Variants in CDH20 observed in about 807,000 individuals in gnomAD.
The protein encoded by CDH20 is cadherin-20.
CDH20 carries 29 observed loss-of-function variants against 74.2 expected under a neutral mutation model. The ratio of observed to expected loss-of-function variants is 0.39; its 90% CI spans 0.29 to 0.53. The LOEUF (loss-of-function observed/expected upper bound fraction) is 0.53, where lower values mean the gene tolerates loss of function less well. Among genes scored for constraint, CDH20 ranks in the 20% least tolerant of loss-of-function variants. The probability of loss-of-function intolerance (pLI) is 0.69; values close to 1 mark genes in which losing one functional copy is unlikely to be tolerated. For synonymous variants in CDH20, 469 were observed against 405.4 expected, an observed-to-expected ratio of 1.16 and a Z score of -1.88; for missense variants, 988 against 1,048.3, an observed-to-expected ratio of 0.94 and a Z score of 0.79.
At chr18:61,542,097 T>C (rs760802182) in intron 9 of CDH20, among the ~76,000 whole-genome samples, 1 of 152,224 alleles carries the variant, frequency 6.6e-6, no homozygotes. Flanking sequence ...TTCCCAACTA[T>C]GTTTATCAAA....
At chr18:61,544,939 C>G in intron 9 of CDH20, 88 bp from the exon 10 acceptor site, 1 of 827,174 alleles carries the variant, frequency 1.2e-6, no homozygotes, top group Non-Finnish European at 2.1e-6. Context: ...AAACATCCCA[C>G]CATCGCGTTT....
At chr18:61,439,494 T>G (rs1159626704) in intron 1 of CDH20, among the ~76,000 whole-genome samples, 1 of 152,126 alleles carries the variant, frequency 6.6e-6, no homozygotes. Context: ...CAATATACCA[T>G]AAATAATAGG....
chr18:61,385,988 TA>T (rs77931929), intron 1 of CDH20, among the ~76,000 whole-genome samples: 34 of 150,634 alleles, frequency 2.3e-4, no homozygotes, highest in African/African-American at 6.8e-4. Flanking sequence ...GATTAACATG[TA>T]AAAAAAAATT....
At chr18:61,473,807 G>T (rs9959118) in intron 1 of CDH20, among the ~76,000 whole-genome samples, 3 of 151,962 alleles carry the variant, frequency 2.0e-5, no homozygotes, top group South Asian at 2.1e-4. Context: ...AGTGCTACCT[G>T]GGATCAATCA....
intron 1 of CDH20, among the ~76,000 whole-genome samples, chr18:61,484,643 A>G (rs1455840579): frequency 2.6e-5 from 4 of 152,124 alleles, no homozygotes; most frequent in African/African-American, 9.7e-5. Context: ...CAGGTAACAT[A>G]TGGCAAGTTT....
At chr18:61,367,151 C>T (rs1439948586) in intron 1 of CDH20, among the ~76,000 whole-genome samples, 1 of 152,086 alleles carries the variant, frequency 6.6e-6, no homozygotes, top group Non-Finnish European at 1.5e-5. Context: ...AAGGGAACAT[C>T]CTAAAAGAGT....
intron 1 of CDH20, among the ~76,000 whole-genome samples, chr18:61,457,830 C>T (rs1012519300): frequency 2.0e-4 from 30 of 152,132 alleles, no homozygotes; most frequent in African/African-American, 6.0e-4. Flanking sequence ...TACCCCACCC[C>T]GTTTTCCATC....
chr18:61,464,496 T>G (rs1436766528), intron 1 of CDH20, among the ~76,000 whole-genome samples: 3 of 152,154 alleles, frequency 2.0e-5, no homozygotes, highest in African/African-American at 4.8e-5. Context: ...CACATGTCAC[T>G]GCTAGCAAAG....
At chr18:61,538,941 G>A (rs1158558852) in intron 8 of CDH20, 83 bp from the exon 9 acceptor site, 39 of 1,523,548 alleles carry the variant, frequency 2.6e-5, no homozygotes, top group Admixed American at 7.5e-5. Context: ...CGTAAATACC[G>A]ACTTCTAGCA....
intron 7 of CDH20, among the ~76,000 whole-genome samples, chr18:61,532,208 T>C (rs1160695882): frequency 1.3e-5 from 2 of 152,142 alleles, no homozygotes; most frequent in African/African-American, 2.4e-5. Flanking sequence ...TAATTGTGCC[T>C]ACCTCATGGT....
chr18:61,429,322 G>A (rs1459732155), intron 1 of CDH20, among the ~76,000 whole-genome samples: 1 of 152,070 alleles, frequency 6.6e-6, no homozygotes, highest in Admixed American at 6.6e-5. Context: ...GACTACATTT[G>A]GGAATTTTGC....
At chr18:61,339,623 G>A (rs1370445575) in intron 1 of CDH20, among the ~76,000 whole-genome samples, 2 of 151,062 alleles carry the variant, frequency 1.3e-5, no homozygotes, top group Admixed American at 6.6e-5. Context: ...TAATTAAAGG[G>A]TAACTAATAA....
intron 1 of CDH20, among the ~76,000 whole-genome samples, chr18:61,466,196 G>T (rs1362533145): frequency 2.0e-5 from 3 of 150,858 alleles, no homozygotes; most frequent in Admixed American, 6.6e-5. Flanking sequence ...TACTTTTTTT[G>T]AAATAAATGG....
chr18:61,527,933 G>C (rs1203977833), intron 6 of CDH20, 34 bp from the exon 7 acceptor site: 1 of 1,611,466 alleles, frequency 6.2e-7, no homozygotes, highest in Admixed American at 1.7e-5. Flanking sequence ...TTGAACCTCA[G>C]TGGCGAATCA....
chr18:61,499,179 C>T lies in CDH20; in HGVS notation c.247-7C>T. The T allele has an allele frequency of 6.6e-7, 1 of 1,526,570 alleles. No homozygotes were observed. Among genetic ancestry groups the T allele is most frequent in the East Asian group, 2.3e-5 (1 of 43,832 alleles). The allele number at this position is 1,526,570 out of a possible 1,614,324, so 94.6% of individuals were successfully genotyped here. A position where few individuals can be genotyped will look rare whatever the true frequency, so the allele number is the denominator to read the frequency against. On this transcript the variant is annotated splice_polypyrimidine_tract_variant and splice_region_variant and intron_variant, in intron 2 of 11. Transcript: ENST00000262717. ...CATGATGAGAATTAGGTGCTTTCCT[C>T]TCCCAGCTTCATTCAGATATGGACA...
At chr18:61,435,691 T>A (rs1908808863) in intron 1 of CDH20, among the ~76,000 whole-genome samples, 1 of 150,050 alleles carries the variant, frequency 6.7e-6, no homozygotes, top group Non-Finnish European at 1.5e-5. Flanking sequence ...TATAACAGCT[T>A]TAAATTATAT....
intron 1 of CDH20, among the ~76,000 whole-genome samples, chr18:61,425,880 A>C (rs369093512): frequency 6.6e-6 from 1 of 152,190 alleles, no homozygotes; most frequent in Non-Finnish European, 1.5e-5. Context: ...ATAATTAAAG[A>C]TCTAAATAAA....
At position 61,502,972 on chromosome 18, in the gene CDH20, C is replaced by T; in HGVS notation, c.681C>T (p.Leu227=). The part of the protein sequence containing the change: ...DSKTGVIRTA[L]MNMDREAKEY... ...CTCCAGGTGTAATTAGGACAGCGCT[C>T]ATGAACATGGACAGAGAAGCCAAAG... is the stretch of plus-strand genomic sequence containing the variant. The change falls in exon 5 of 12, where the codon CTC becomes CTT. Residue 227 remains leucine (L), a synonymous_variant. Coordinates refer to ENST00000262717, the MANE Select transcript of CDH20 (RefSeq NM_031891.4). 6.2e-7 allele frequency: 1 copy of T among 1,612,656 alleles called. No individual in the cohort carries two copies.
At chr18:61,389,991 C>T (rs369071043) in intron 1 of CDH20, among the ~76,000 whole-genome samples, 1 of 152,160 alleles carries the variant, frequency 6.6e-6, no homozygotes, top group African/African-American at 2.4e-5. Flanking sequence ...ACCTTCCTTG[C>T]CCCCATGACC....
Sources: allele counts gnomAD v4.1 joint callset (sites outside exome capture counted in the v4.1 genomes callset), GRCh38; gene constraint gnomAD v4.1.1; transcripts MANE v1.5; gene names NCBI Gene and HGNC (gene_info 2026-07-23, HGNC 2026-07-21).